The following NFIA variants were observed in gnomAD, a reference collection of about 807,000 sequenced individuals.
NFIA encodes nuclear factor I A.
Under a neutral mutation model 62.8 loss-of-function variants are expected in NFIA, and 8 were observed. That is an observed-to-expected ratio of 0.13 (90% confidence interval 0.07 to 0.23). The LOEUF is 0.23. Among genes scored for constraint, NFIA ranks in the 10% least tolerant of loss-of-function variants. The pLI is 1.00. For synonymous variants in NFIA, 235 were observed against 238.1 expected, an observed-to-expected ratio of 0.99 and a Z score of 0.12; for missense variants, 410 against 642.1, an observed-to-expected ratio of 0.64 and a Z score of 3.91.
In NFIA at chr1:61,088,797, C is replaced by A; in HGVS notation, c.559+117C>A. 8.3e-7 allele frequency: 1 copy of A among 1,210,498 alleles called. No homozygotes were observed. Among genetic ancestry groups the A allele is most frequent in the Non-Finnish European group, 1.1e-6 (1 of 875,362 alleles). 75.0% of individuals were successfully genotyped at this position (1,210,498 alleles called of 1,614,324 possible). A position where few individuals can be genotyped will look rare whatever the true frequency, so the allele number is the denominator to read the frequency against. On this transcript the variant is annotated intron_variant, in intron 2 of 10. Transcript: ENST00000403491. This position sits in a 1 kb window ranked among gnomAD's most constrained non-coding sequence, Gnocchi z 4.5. Reference sequence around the variant, plus strand: ...CAAGTTGCAGGCCACGTACATGAAGCCAGTGTGGTTTCAAAGATTGAGAGA... The same window carrying A: ...CAAGTTGCAGGCCACGTACATGAAGACAGTGTGGTTTCAAAGATTGAGAGA...
intron 2 of NFIA, among the ~76,000 whole-genome samples, chr1:61,120,603 A>G (rs371760169): frequency 6.6e-6 from 1 of 152,190 alleles, no homozygotes; most frequent in African/African-American, 2.4e-5. Context: ...TGGGGAAGCA[A>G]TAAAGTCATT....
At chr1:61,145,623 G>A (rs1647865701) in intron 2 of NFIA, among the ~76,000 whole-genome samples, 1 of 152,108 alleles carries the variant, frequency 6.6e-6, no homozygotes, top group African/African-American at 2.4e-5. Context: ...ATGTGTGTAG[G>A]TGTCTCTGGA....
intron 2 of NFIA, among the ~76,000 whole-genome samples, chr1:61,093,466 A>G (rs1391432): frequency 0.23 from 34,467 of 152,058 alleles, 4,848 homozygotes; most frequent in East Asian, 0.5. Flanking sequence ...TTGGCTGATC[A>G]AGCTATTGTA....
chr1:61,366,339 C>T (rs911883437), intron 6 of NFIA, among the ~76,000 whole-genome samples: 1 of 152,028 alleles, frequency 6.6e-6, no homozygotes, highest in Admixed American at 6.6e-5. Flanking sequence ...AATTACAGTA[C>T]TTTTCAGTGA....
intron 2 of NFIA, among the ~76,000 whole-genome samples, chr1:61,099,855 T>A (rs1460615676): frequency 2.0e-5 from 3 of 152,214 alleles, no homozygotes; most frequent in Non-Finnish European, 4.4e-5. Context: ...AAATTTTAGG[T>A]AGGGGAGCTT....
Position 61,197,696 on chromosome 1 carries a change from C to T in NFIA, c.560-79824C>T, listed in dbSNP as rs112382784. ...CAAGGGCTTGCTTAGAAACAGCAGACGTAGGCATGGCGCGGTGGCTCATGC... is the reference window on the plus strand; with the variant it reads ...CAAGGGCTTGCTTAGAAACAGCAGATGTAGGCATGGCGCGGTGGCTCATGC... On this transcript the variant is annotated intron_variant, in intron 2 of 10. Coordinates refer to ENST00000403491, the MANE Select transcript of NFIA (RefSeq NM_001134673.4). Among the ~76,000 whole-genome samples the T allele has an allele frequency of 4.4e-3, 668 of 151,932 alleles. 3 individuals carry two copies. Among genetic ancestry groups the T allele is most frequent in the African/African-American group, 0.016 (645 of 41,480 alleles).
intron 2 of NFIA, among the ~76,000 whole-genome samples, chr1:61,187,208 C>T (rs1024338650): frequency 1.2e-4 from 19 of 152,130 alleles, no homozygotes; most frequent in African/African-American, 4.8e-5. Context: ...ACTACTACTA[C>T]GACTGCTATT....
At chr1:61,177,678 T>C (rs1650473334) in intron 2 of NFIA, among the ~76,000 whole-genome samples, 1 of 151,884 alleles carries the variant, frequency 6.6e-6, no homozygotes, top group Admixed American at 6.6e-5. Context: ...TGTGTGTGTG[T>C]GTGTGTGTTG....
At chr1:61,336,336 T>A (rs1183402859) in intron 4 of NFIA, among the ~76,000 whole-genome samples, 4 of 152,160 alleles carry the variant, frequency 2.6e-5, no homozygotes, top group African/African-American at 9.7e-5. Flanking sequence ...TGTTTTTAGG[T>A]GTGAGTTTGT....
Position 61,383,127 on chromosome 1 carries a change from G to A in NFIA, c.947-110G>A, listed in dbSNP as rs1387203554. The A allele has an allele frequency of 3.0e-6, 4 of 1,355,578 alleles. No homozygotes were observed. In the African/African-American group the frequency reaches 4.4e-5, roughly 15 times the overall value. The allele number at this position is 1,355,578 out of a possible 1,614,324, so 84.0% of individuals were successfully genotyped here. On this transcript the variant is annotated intron_variant, in intron 6 of 10. Coordinates refer to ENST00000403491, the MANE Select transcript of NFIA (RefSeq NM_001134673.4). ...TTCACAACATCTTTTTCATTCACAG[G>A]TGGATTTCTCTTTTTGTTTGTTTTT...
chr1:61,341,209 G>C (rs1661889991), intron 4 of NFIA, among the ~76,000 whole-genome samples: 1 of 151,354 alleles, frequency 6.6e-6, no homozygotes, highest in Non-Finnish European at 1.5e-5. Flanking sequence ...GACTACAGGT[G>C]TCCACCACCG....
rs565536285 is a variant in NFIA, at chr1:61,118,860, G to A, written c.559+30180G>A. The stretch of plus-strand genomic sequence containing the variant: ...TTGAATCCAGGTCCATTTGGCTTTG[G>A]AATGTGCTGTTATAGCAGCAGAGGG... On this transcript the variant is annotated intron_variant, in intron 2 of 10. Transcript: ENST00000403491. 5.5e-4 allele frequency among the ~76,000 whole-genome samples: 83 copies of A among 152,210 alleles called. 1 individual carries two copies. The highest frequency in any genetic ancestry group is 1.9e-3 in the African/African-American group (79 of 41,510).
At chr1:61,140,168 T>C (rs1385622666) in intron 2 of NFIA, among the ~76,000 whole-genome samples, 4 of 152,256 alleles carry the variant, frequency 2.6e-5, no homozygotes, top group East Asian at 1.9e-4. Flanking sequence ...AATTGGCCCA[T>C]ATACATTTTG....
In NFIA at chr1:61,297,774, G is replaced by C. The variant is rs182061417; in HGVS notation, c.625+20189G>C. ...CTAAGTGCTCTAACTGTGAAACAAA[G>C]TGCTCTGAGAATGTGGAAAAGAGAA... On this transcript the variant is annotated intron_variant, in intron 3 of 10. Transcript: ENST00000403491. 9.2e-5 allele frequency among the ~76,000 whole-genome samples: 14 copies of C among 152,280 alleles called. No homozygotes were observed. The East Asian group carries it at 2.7e-3, about 29-fold the overall frequency.
At chr1:61,221,668 A>C (rs1049598796) in intron 2 of NFIA, among the ~76,000 whole-genome samples, 3 of 152,158 alleles carry the variant, frequency 2.0e-5, no homozygotes, top group Non-Finnish European at 2.9e-5. Context: ...TTGAAATTTG[A>C]TATAAAATTG....
intron 2 of NFIA, among the ~76,000 whole-genome samples, chr1:61,193,201 CGT>C (rs1651762405): frequency 6.6e-6 from 1 of 152,182 alleles, no homozygotes; most frequent in Non-Finnish European, 1.5e-5. Flanking sequence ...ATTTATAAAA[CGT>C]TCACATGCTT....
intron 2 of NFIA, among the ~76,000 whole-genome samples, chr1:61,130,724 C>G (rs1647058510): frequency 1.3e-5 from 2 of 152,176 alleles, no homozygotes; most frequent in Non-Finnish European, 2.9e-5. Context: ...ACATACACTT[C>G]AGTGGTTAAA....
upstream of NFIA, among the ~76,000 whole-genome samples, chr1:61,077,935 A>G (rs578168602): frequency 2.0e-5 from 3 of 151,462 alleles, no homozygotes; most frequent in East Asian, 3.9e-4. Context: ...GGTTCCAGAA[A>G]GGGGTGGGGG....
In NFIA at chr1:61,441,214, A is replaced by G. The variant is rs115171841; in HGVS notation, c.1513-14089A>G. Among the ~76,000 whole-genome samples, 379 of 152,206 alleles carry G rather than the reference A, an allele frequency of 2.5e-3. 1 individual carries two copies. The highest frequency in any genetic ancestry group is 8.8e-3 in the African/African-American group (364 of 41,528). On this transcript the variant is annotated intron_variant, in intron 10 of 10. Transcript: ENST00000403491. Reference sequence around the variant, plus strand: ...AATATCATTAGACTGACTCAAACGCATTGCAATTCCAAGGAACAAATGCAT... The same window carrying G: ...AATATCATTAGACTGACTCAAACGCGTTGCAATTCCAAGGAACAAATGCAT...
Sources: gnomAD v4.1 joint callset for allele counts (sites outside exome capture counted in the v4.1 genomes callset) on GRCh38, gnomAD v4.1.1 for gene constraint, Gnocchi (gnomAD v3.1) non-coding constraint, MANE v1.5 for transcripts, NCBI Gene and HGNC (gene_info 2026-07-23, HGNC 2026-07-21) for gene names.